Variants in TUBGCP3 observed in about 807,000 individuals in gnomAD.
The protein encoded by TUBGCP3 is tubulin gamma complex component 3.
In TUBGCP3, 50 loss-of-function variants were observed where a neutral mutation model predicts 123.1. The observed-to-expected ratio is 0.41, with a 90% confidence interval of 0.32 to 0.51. The LOEUF (loss-of-function observed/expected upper bound fraction) is 0.51, where lower values mean the gene tolerates loss of function less well. TUBGCP3 is among the 20% of genes least tolerant of loss of function. TUBGCP3 has a pLI of 0.36. For synonymous variants in TUBGCP3, 405 were observed against 413.9 expected (o/e 0.98, Z 0.26); for missense variants, 882 against 1,127.0 (o/e 0.78, Z 3.11).
intron 1 of TUBGCP3, among the ~76,000 whole-genome samples, chr13:112,585,203 G>A (rs1443565615): frequency 6.6e-6 from 1 of 152,030 alleles, no homozygotes; most frequent in Non-Finnish European, 1.5e-5. Flanking sequence ...AAAGAATAAG[G>A]TAATTAATCA....
intron 1 of TUBGCP3, among the ~76,000 whole-genome samples, chr13:112,581,902 C>T (rs1262699688): frequency 2.0e-5 from 3 of 152,198 alleles, no homozygotes; most frequent in Admixed American, 6.5e-5. Context: ...CTCACTTTCT[C>T]TGCACCTCAG....
chr13:112,561,798 G>C (rs1880531412), intron 3 of TUBGCP3, among the ~76,000 whole-genome samples: 1 of 152,124 alleles, frequency 6.6e-6, no homozygotes, highest in South Asian at 2.1e-4. Flanking sequence ...GAAACCGCTA[G>C]GTTAAAAATC....
At chr13:112,549,627 C>A (rs1879384834) in intron 8 of TUBGCP3, among the ~76,000 whole-genome samples, 1 of 151,760 alleles carries the variant, frequency 6.6e-6, no homozygotes, top group Non-Finnish European at 1.5e-5. Context: ...AATTTTTGTT[C>A]TGTTTGCACT....
intron 5 of TUBGCP3, among the ~76,000 whole-genome samples, chr13:112,556,668 C>CA (rs1435848305): frequency 6.6e-6 from 1 of 152,200 alleles, no homozygotes; most frequent in East Asian, 1.9e-4. Flanking sequence ...GACACTGCCC[C>CA]AGGCGCCTGG....
At chr13:112,548,255 G>T in intron 8 of TUBGCP3, 79 bp from the exon 9 acceptor site, 1 of 1,149,198 alleles carries the variant, frequency 8.7e-7, no homozygotes, top group Non-Finnish European at 1.2e-6. Flanking sequence ...GGTATAATGC[G>T]TTTAGATAAA....
intron 8 of TUBGCP3, among the ~76,000 whole-genome samples, chr13:112,550,832 CT>C (rs1397536983): frequency 1.3e-5 from 2 of 152,202 alleles, no homozygotes; most frequent in Non-Finnish European, 2.9e-5. Context: ...GGTGCGGTGG[CT>C]CACGCCTGTA....
chr13:112,521,569 G>C (rs1876628066), intron 14 of TUBGCP3: 2 of 669,576 alleles, frequency 3.0e-6, no homozygotes, highest in Non-Finnish European at 3.7e-6. Flanking sequence ...ACTGAAACTT[G>C]AGGACCTGAG....
At position 112,527,014 on chromosome 13, in the gene TUBGCP3, G is replaced by A; in HGVS notation, c.1483C>T (p.Gln495Ter). ...LIGKSINFLH[Q>*]VCHDQTPTTK... is the part of the protein sequence containing the mutation. ...GTGGGAGTCTGATCATGACAAACTT[G>A]GTGCAAGAAATTTATTGATTTTCCT... The change falls in exon 13 of 22, where the codon CAA becomes TAA. Residue 495 changes from glutamine to a stop codon, truncating the protein, a stop_gained. Coordinates refer to ENST00000261965, the MANE Select transcript of TUBGCP3 (RefSeq NM_006322.6). LOFTEE classifies it high-confidence loss of function. 1 of 1,613,968 alleles carries A rather than the reference G, an allele frequency of 6.2e-7. No individual in the cohort carries two copies. Among genetic ancestry groups the A allele is most frequent in the Non-Finnish European group, 8.5e-7 (1 of 1,179,982 alleles).
chr13:112,510,117 T>C (rs1308552681), intron 17 of TUBGCP3, among the ~76,000 whole-genome samples: 1 of 151,986 alleles, frequency 6.6e-6, no homozygotes, highest in African/African-American at 2.4e-5. Flanking sequence ...TACACAAAAC[T>C]GGGCAGCCAC....
Position 112,487,957 on chromosome 13 carries a change from C to A in TUBGCP3, c.2565+1624G>T, listed in dbSNP as rs537067991. On this transcript the variant is annotated intron_variant, in intron 21 of 21. Transcript: ENST00000261965. ...GACCAGCCTGGCCAACATGGTGAAA[C>A]CCTGTCTCTACTAAAAATACAACAA... 3.8e-3 allele frequency among the ~76,000 whole-genome samples: 576 copies of A among 151,846 alleles called. 1 individual carries two copies. The highest frequency in any genetic ancestry group is 6.3e-3 in the Non-Finnish European group (426 of 67,940).
At chr13:112,594,680 C>T in the TUBGCP3 span, among the ~76,000 whole-genome samples, 1 of 152,260 alleles carries the variant, frequency 6.6e-6, no homozygotes, top group East Asian at 1.9e-4. Context: ...GACTTTTCCT[C>T]TTTTCTAATG....
In TUBGCP3 at chr13:112,524,308, G is replaced by T. The variant is rs539258057; in HGVS notation, c.1556-1799C>A. 1.0e-2 allele frequency among the ~76,000 whole-genome samples: 1,518 copies of T among 152,026 alleles called. 11 individuals carry two copies. Among genetic ancestry groups the T allele is most frequent in the Non-Finnish European group, 0.014 (955 of 67,978 alleles). On this transcript the variant is annotated intron_variant, in intron 13 of 21. Coordinates refer to ENST00000261965, the MANE Select transcript of TUBGCP3 (RefSeq NM_006322.6). This position sits in a 1 kb window ranked among gnomAD's most constrained non-coding sequence, Gnocchi z 4.4. ...TGGCTGCCTTTTTTTAAGTGTTTTT[G>T]ATCCTCAGTTGATTGAATCTGCAGA...
At chr13:112,525,350 C>T (rs1876962308) in intron 13 of TUBGCP3, among the ~76,000 whole-genome samples, 1 of 152,152 alleles carries the variant, frequency 6.6e-6, no homozygotes. Flanking sequence ...CCTGAAAATA[C>T]CCAAAGCGCT....
Position 112,556,092 on chromosome 13 carries a change from A to C in TUBGCP3, c.681T>G (p.Ser227=), listed in dbSNP as rs201961900. 6 of 1,613,968 alleles carry C rather than the reference A, an allele frequency of 3.7e-6. No individual in the cohort carries two copies. In the African/African-American group the frequency reaches 8.0e-5, roughly 22 times the overall value. ...CTCTCCTGGACCTTGTCATGTTGCG[A>C]GACACAGCACTGGGGACACCTTTTG... The part of the protein sequence containing the change: ...TTSKGVPSAV[S]RNMTRSRREG... Residue 227 remains serine, a synonymous_variant, in exon 6 of 22, where the codon TCT becomes TCG. Transcript: ENST00000261965.
At chr13:112,562,381 G>C (rs530085760) in intron 3 of TUBGCP3, among the ~76,000 whole-genome samples, 1 of 152,364 alleles carries the variant, frequency 6.6e-6, no homozygotes, top group African/African-American at 2.4e-5. Context: ...GATCAGGCTG[G>C]AGACAGCAGC....
chr13:112,555,001 A>G lies in TUBGCP3; in HGVS notation c.726T>C (p.Thr242=). ...RSRREGDTGG[T]MEITEAALVR... ...CCAGAGCTGCTTCTGTAATTTCCAT[A>G]GTACCTGCAAAATCATTTTTTAAAG... Residue 242 remains threonine (T), a synonymous_variant, in exon 7 of 22, where the codon ACT becomes ACC. Transcript: ENST00000261965. 1 of 1,584,832 alleles carries G rather than the reference A, an allele frequency of 6.3e-7. No individual in the cohort carries two copies. The highest frequency in any genetic ancestry group is 8.6e-7 in the Non-Finnish European group (1 of 1,164,452).
Position 112,522,501 on chromosome 13 carries a change from G to A in TUBGCP3, c.1564C>T (p.Leu522=). ...SAESPQDAAD[L]FTDLENAFQG... ...AATGCATTTTCCAAGTCTGTGAATA[G>A]GTCTGCAGCTGTAAAGAACAACAGG... The change falls in exon 14 of 22, where the codon CTA becomes TTA. Residue 522 remains leucine (L), a synonymous_variant. Transcript: ENST00000261965. 1 of 1,611,060 alleles carries A rather than the reference G, an allele frequency of 6.2e-7. No homozygotes were observed. The highest frequency in any genetic ancestry group is 1.1e-5 in the South Asian group (1 of 90,914).
rs907489761 is a variant in TUBGCP3, at chr13:112,572,664, G to A, written c.77-3405C>T. 2.0e-5 allele frequency among the ~76,000 whole-genome samples: 3 copies of A among 152,330 alleles called. No homozygotes were observed. In the South Asian group the frequency reaches 6.2e-4, roughly 32 times the overall value. Reference sequence around the variant, plus strand: ...AGACAGGGAACAGCTGGTCGGCAGAGTAGTCAGAACATACACAACACTTTT... The same window carrying A: ...AGACAGGGAACAGCTGGTCGGCAGAATAGTCAGAACATACACAACACTTTT... On this transcript the variant is annotated intron_variant, in intron 1 of 21. Coordinates refer to ENST00000261965, the MANE Select transcript of TUBGCP3 (RefSeq NM_006322.6).
intron 17 of TUBGCP3, among the ~76,000 whole-genome samples, chr13:112,514,491 TAA>T (rs913129033): frequency 3.3e-4 from 50 of 152,214 alleles, no homozygotes; most frequent in Admixed American, 2.6e-4. Flanking sequence ...ATCTTAAAAA[TAA>T]AAAGTGTTCA....
Sources: gnomAD v4.1 joint callset for allele counts (sites outside exome capture counted in the v4.1 genomes callset) on GRCh38, gnomAD v4.1.1 for gene constraint, Gnocchi (gnomAD v3.1) non-coding constraint, MANE v1.5 for transcripts, NCBI Gene and HGNC (gene_info 2026-07-23, HGNC 2026-07-21) for gene names.